Variants in SLC11A2 observed in about 807,000 individuals in gnomAD.
SLC11A2 encodes natural resistance-associated macrophage protein 2.
In SLC11A2, 38 loss-of-function variants were observed where a neutral mutation model predicts 68.0. That is an observed-to-expected ratio of 0.56 (90% CI 0.43 to 0.73). SLC11A2 has a LOEUF of 0.73. SLC11A2 is among the 30% of genes least tolerant of loss of function. The pLI, the probability that SLC11A2 is intolerant of heterozygous loss-of-function variation, is 0.00. For synonymous variants in SLC11A2, 242 were observed against 250.6 expected (o/e 0.97, Z 0.32); for missense variants, 517 against 690.5 (o/e 0.75, Z 2.82).
At chr12:51,022,501 T>C (rs948077119) in intron 1 of SLC11A2, among the ~76,000 whole-genome samples, 1 of 147,760 alleles carries the variant, frequency 6.8e-6, no homozygotes, top group Non-Finnish European at 1.5e-5. Flanking sequence ...CCTCAGAAAA[T>C]ATGTTTTGTC....
intron 15 of SLC11A2, 96 bp downstream of exon 15, chr12:50,990,699 T>A (rs1231274663): frequency 7.6e-7 from 1 of 1,315,476 alleles, no homozygotes; most frequent in African/African-American, 1.5e-5. Context: ...CATGAGCCAC[T>A]GTGCCCAGCC....
At chr12:50,978,420 C>T (rs1456111548), downstream of SLC11A2, among the ~76,000 whole-genome samples, 2 of 144,154 alleles carry the variant, frequency 1.4e-5, no homozygotes. Context: ...CATGTTCTCA[C>T]TCATAGGTGG....
Position 50,986,815 on chromosome 12 carries a change from C to T in SLC11A2, c.*1510G>A, listed in dbSNP as rs1489136390. On this transcript the variant is annotated 3_prime_UTR_variant, in exon 16 of 16. Coordinates refer to ENST00000262052, the MANE Select transcript of SLC11A2 (RefSeq NM_000617.3). ...AACACAGTAGTGTACCCTTAAATGC[C>T]TTATAAAAGACCATCCATCCAGTCT... The T allele has an allele frequency of 7.8e-7, 1 of 1,287,118 alleles. No homozygotes were observed. The allele number at this position is 1,287,118 out of a possible 1,614,324, so 79.7% of individuals were successfully genotyped here.
At chr12:50,984,908 A>G (rs1940402501), downstream of SLC11A2, among the ~76,000 whole-genome samples, 1 of 152,156 alleles carries the variant, frequency 6.6e-6, no homozygotes, top group African/African-American at 2.4e-5. Context: ...AGGGTATACT[A>G]TATATTACAC....
At chr12:50,996,663 T>C (rs1941731017) in intron 9 of SLC11A2, among the ~76,000 whole-genome samples, 154 bp downstream of exon 9, 1 of 151,996 alleles carries the variant, frequency 6.6e-6, no homozygotes, top group South Asian at 2.1e-4. Context: ...AAAAACAGCA[T>C]CTAAGTATAT....
At chr12:51,004,703 C>T in intron 5 of SLC11A2, 85 bp downstream of exon 5, 1 of 1,506,296 alleles carries the variant, frequency 6.6e-7, no homozygotes, top group Non-Finnish European at 9.2e-7. Flanking sequence ...GACTGTCTCA[C>T]TATAGAATGA....
At chr12:50,995,837 C>T (rs1363537787) in intron 9 of SLC11A2, 50 bp from the exon 10 acceptor site, 16 of 1,581,732 alleles carry the variant, frequency 1.0e-5, no homozygotes, top group Non-Finnish European at 1.4e-5. Flanking sequence ...GAACAAGTTT[C>T]CTTGTGACAT....
chr12:50,991,697 G>T, intron 13 of SLC11A2, 25 bp from the exon 14 acceptor site: 1 of 1,573,534 alleles, frequency 6.4e-7, no homozygotes, highest in South Asian at 1.1e-5. Context: ...AGATCAGATG[G>T]GATTACTATG....
chr12:50,977,610 C>G (rs1313159232), downstream of SLC11A2, among the ~76,000 whole-genome samples: 2 of 152,080 alleles, frequency 1.3e-5, no homozygotes, highest in African/African-American at 2.4e-5. Context: ...TCTAAACCAC[C>G]AAAAGCAATG....
At chr12:51,006,817 G>A (rs760761251) in intron 3 of SLC11A2, among the ~76,000 whole-genome samples, 12 of 151,988 alleles carry the variant, frequency 7.9e-5, no homozygotes, top group Non-Finnish European at 1.5e-4. Flanking sequence ...TGCCCAGGCT[G>A]GTCTTGAACT....
chr12:50,995,344 T>C (rs879789561), intron 10 of SLC11A2, among the ~76,000 whole-genome samples: 1 of 152,082 alleles, frequency 6.6e-6, no homozygotes, highest in African/African-American at 2.4e-5. Context: ...GAAATCAAGA[T>C]TGATACAGAA....
chr12:51,027,499 C>T (rs561011753), upstream of SLC11A2, among the ~76,000 whole-genome samples: 98 of 152,026 alleles, frequency 6.4e-4, no homozygotes, highest in African/African-American at 2.3e-3. Context: ...CCCAAGCCTC[C>T]GTAGTGAATT....
rs147259871 is a variant in SLC11A2 at position 51,015,381 on chromosome 12, G to A, written c.-38-4615C>T. 7.5e-4 allele frequency among the ~76,000 whole-genome samples: 113 copies of A among 150,442 alleles called. 1 individual carries two copies. The East Asian group carries it at 0.018, about 24-fold the overall frequency. The stretch of plus-strand genomic sequence containing the variant: ...TCCCAGCTACTCAGGAGGCTGAGGC[G>A]GGAGAATCGCTTAAACCTGGGAGGT... On this transcript the variant is annotated intron_variant, in intron 1 of 15. Transcript: ENST00000262052.
chr12:50,986,760 G>C lies in SLC11A2; in HGVS notation c.*1565C>G. The C allele has an allele frequency of 7.8e-7, 1 of 1,287,140 alleles. No individual in the cohort carries two copies. 79.7% of individuals were successfully genotyped at this position (1,287,140 alleles called of 1,614,324 possible). On this transcript the variant is annotated 3_prime_UTR_variant, in exon 16 of 16. Coordinates refer to ENST00000262052, the MANE Select transcript of SLC11A2 (RefSeq NM_000617.3). ...TTCATAACTCTGTGCTATATTACTTGAGGGGCTAAGAAAAATGTATGGTCA... is the reference window on the plus strand; with the variant it reads ...TTCATAACTCTGTGCTATATTACTTCAGGGGCTAAGAAAAATGTATGGTCA...
At chr12:50,966,688 G>C in the SLC11A2 span, among the ~76,000 whole-genome samples, 5 of 152,300 alleles carry the variant, frequency 3.3e-5, no homozygotes, top group African/African-American at 1.2e-4. Flanking sequence ...AGACAGGATG[G>C]AAGGACTGCT....
chr12:50,984,144 G>C (rs936928454), downstream of SLC11A2, among the ~76,000 whole-genome samples: 5 of 148,584 alleles, frequency 3.4e-5, no homozygotes, highest in African/African-American at 1.3e-4. Context: ...AAAAAAAAAA[G>C]AAAATGCCAA....
upstream of SLC11A2, chr12:51,026,460 G>A: frequency 1.2e-6 from 1 of 812,740 alleles, no homozygotes; most frequent in Non-Finnish European, 1.7e-6. Flanking sequence ...AGTCCCTGCA[G>A]CGGCCGGGAT....
intron 8 of SLC11A2, 105 bp downstream of exon 8, chr12:50,999,069 A>G (rs974200363): frequency 3.1e-4 from 301 of 978,464 alleles, no homozygotes; most frequent in South Asian, 8.0e-4. Flanking sequence ...CACCCACTAT[A>G]AGTGAATCAT....
chr12:51,002,333 G>A (rs966422281), intron 5 of SLC11A2, among the ~76,000 whole-genome samples: 10 of 151,966 alleles, frequency 6.6e-5, no homozygotes, highest in African/African-American at 2.4e-4. Context: ...GGGTAATAGA[G>A]CAAGATCCTA....
Sources: gnomAD v4.1 joint callset for allele counts (sites outside exome capture counted in the v4.1 genomes callset) on GRCh38, gnomAD v4.1.1 for gene constraint, MANE v1.5 for transcripts, NCBI Gene and HGNC (gene_info 2026-07-23, HGNC 2026-07-21) for gene names.